MCTP1: variants seen among roughly 807,000 people sequenced by gnomAD.
MCTP1 encodes the protein multiple C2 and transmembrane domain-containing protein 1.
In MCTP1, 69 loss-of-function variants were observed where a neutral mutation model predicts 120.6. The ratio of observed to expected loss-of-function variants is 0.57; its 90% CI spans 0.47 to 0.70. MCTP1 has a LOEUF of 0.70. Among genes scored for constraint, MCTP1 ranks in the 30% least tolerant of loss-of-function variants. The pLI is 0.00. For synonymous variants in MCTP1, 529 were observed against 493.1 expected, an observed-to-expected ratio of 1.07 and a Z score of -0.96; for missense variants, 1,203 against 1,248.8, an observed-to-expected ratio of 0.96 and a Z score of 0.55.
chr5:95,248,629 A>G (rs1193906482), intron 1 of MCTP1, among the ~76,000 whole-genome samples: 2 of 152,226 alleles, frequency 1.3e-5, no homozygotes. Flanking sequence ...TATCCCCAAC[A>G]AGCTACCTCT....
At chr5:94,771,277 T>C (rs1008443574) in intron 19 of MCTP1, among the ~76,000 whole-genome samples, 3 of 152,160 alleles carry the variant, frequency 2.0e-5, no homozygotes, top group African/African-American at 7.2e-5. Flanking sequence ...TTGTGTATTA[T>C]GTGTGTGTGC....
intron 19 of MCTP1, among the ~76,000 whole-genome samples, chr5:94,760,326 T>C (rs563308732): frequency 6.6e-6 from 1 of 152,340 alleles, no homozygotes; most frequent in African/African-American, 2.4e-5. Flanking sequence ...GTTTGACTAC[T>C]CCAGGCACTG....
chr5:95,219,232 A>G (rs1164243989), intron 1 of MCTP1, among the ~76,000 whole-genome samples: 1 of 151,978 alleles, frequency 6.6e-6, no homozygotes, highest in Non-Finnish European at 1.5e-5. Flanking sequence ...AATACAAAAA[A>G]TTAGCCGGGC....
At position 94,917,896 on chromosome 5, in the gene MCTP1, T is replaced by A. The variant is rs1472726888; in HGVS notation, c.1350A>T (p.Gln450His). Residue 450 changes from glutamine to histidine, a missense_variant and splice_region_variant, in exon 8 of 23, where the codon CAA becomes CAT. Physicochemically the swap from Gln to His is conservative, Grantham distance 24. This residue lies in a region of MCTP1 where 740 missense variants were observed against 871.1 expected (regional missense o/e 0.85). Transcript: ENST00000515393. ...ELQNPYCKNV[Q>H]FQTQSLRLSD... ...AAATGAACTGAATGGTTGAACTTAC[T>A]TGTACATTTTTGCAATAAGGATTCT... The A allele has an allele frequency of 1.2e-6, 2 of 1,612,506 alleles. No individual in the cohort carries two copies. Among genetic ancestry groups the A allele is most frequent in the Admixed American group, 1.7e-5 (1 of 60,008 alleles).
At chr5:94,954,182 GCATA>G (rs1246015850) in intron 2 of MCTP1, among the ~76,000 whole-genome samples, 1 of 56,614 alleles carries the variant, frequency 1.8e-5, no homozygotes, top group Non-Finnish European at 3.4e-5. Context: ...ATATATATAT[GCATA>G]TATATATATA....
intron 1 of MCTP1, among the ~76,000 whole-genome samples, chr5:95,075,332 A>T (rs1346635324): frequency 2.0e-5 from 3 of 152,228 alleles, no homozygotes; most frequent in African/African-American, 7.2e-5. Context: ...GCCTATAAAT[A>T]TAAGTTAACT....
intron 19 of MCTP1, among the ~76,000 whole-genome samples, chr5:94,739,777 G>A (rs990869000): frequency 3.9e-5 from 6 of 152,160 alleles, no homozygotes; most frequent in Non-Finnish European, 7.4e-5. Context: ...CAATTTTCCT[G>A]CCTCACCACT....
intron 1 of MCTP1, among the ~76,000 whole-genome samples, chr5:95,194,983 T>A (rs1161210251): frequency 6.6e-6 from 1 of 152,124 alleles, no homozygotes; most frequent in Non-Finnish European, 1.5e-5. Context: ...TCAGAGAAGG[T>A]TCCAAATACA....
At position 94,888,864 on chromosome 5, in the gene MCTP1, T is replaced by TG. The variant is rs1282203839; in HGVS notation, c.1933+14dup. 2.6e-6 allele frequency: 4 copies of TG among 1,556,108 alleles called. No individual in the cohort carries two copies. The Admixed American group carries it at 6.7e-5, about 26-fold the overall frequency. ...TGCTTGATCTGAGCAATAGGAGAATTGCATCATCTCTTACCAGTGACGTCG... is the reference window on the plus strand; with the variant it reads ...TGCTTGATCTGAGCAATAGGAGAATTGGCATCATCTCTTACCAGTGACGTCG... On this transcript the variant is annotated intron_variant, in intron 12 of 22. Transcript: ENST00000515393.
chr5:95,030,872 ACTCAGTGATATC>A (rs571311142), intron 1 of MCTP1, among the ~76,000 whole-genome samples: 1 of 152,252 alleles, frequency 6.6e-6, no homozygotes, highest in East Asian at 1.9e-4. Flanking sequence ...TTGCAAGGAA[ACTCAGTGATATC>A]CAATAGAAAG....
intron 1 of MCTP1, among the ~76,000 whole-genome samples, chr5:95,248,371 C>A (rs1042284998): frequency 6.6e-6 from 1 of 152,124 alleles, no homozygotes; most frequent in Non-Finnish European, 1.5e-5. Flanking sequence ...CATTCCTATA[C>A]ACCAATAATA....
chr5:94,736,678 C>T (rs1764332449), intron 19 of MCTP1, among the ~76,000 whole-genome samples: 2 of 152,090 alleles, frequency 1.3e-5, no homozygotes, highest in African/African-American at 4.8e-5. Context: ...CCCTTGCATG[C>T]ATATTTTAAA....
chr5:94,971,531 C>T (rs1006169121), intron 2 of MCTP1, among the ~76,000 whole-genome samples: 2 of 152,170 alleles, frequency 1.3e-5, no homozygotes, highest in African/African-American at 4.8e-5. Flanking sequence ...AATAATCAGA[C>T]AGACATTTCC....
chr5:94,837,689 C>G (rs1357297590), intron 17 of MCTP1, among the ~76,000 whole-genome samples: 1 of 152,104 alleles, frequency 6.6e-6, no homozygotes, highest in Admixed American at 6.6e-5. Context: ...TCTTTCATGT[C>G]AGAGGGATGA....
intron 1 of MCTP1, among the ~76,000 whole-genome samples, chr5:95,160,943 C>T (rs1745659610): frequency 6.6e-6 from 1 of 152,090 alleles, no homozygotes; most frequent in Non-Finnish European, 1.5e-5. Flanking sequence ...AAAAGGATAG[C>T]AAGTGTTAGT....
intron 17 of MCTP1, among the ~76,000 whole-genome samples, chr5:94,829,924 T>G (rs2153153234): frequency 6.6e-6 from 1 of 152,300 alleles, no homozygotes; most frequent in East Asian, 1.9e-4. Context: ...ATCCACTGCT[T>G]TGCATGAATC....
chr5:94,718,940 C>T (rs1028897840), intron 19 of MCTP1, among the ~76,000 whole-genome samples: 4 of 152,128 alleles, frequency 2.6e-5, no homozygotes, highest in Admixed American at 6.5e-5. Flanking sequence ...AGGCTGGTCT[C>T]GAACTCCTGA....
At chr5:95,014,553 T>A (rs1050798433) in intron 2 of MCTP1, among the ~76,000 whole-genome samples, 4 of 152,140 alleles carry the variant, frequency 2.6e-5, no homozygotes, top group Admixed American at 2.6e-4. Context: ...TGAGAACGAA[T>A]CTTCTCATGG....
chr5:95,153,067 T>A (rs547310150), intron 1 of MCTP1, among the ~76,000 whole-genome samples: 18 of 152,350 alleles, frequency 1.2e-4, no homozygotes, highest in African/African-American at 4.3e-4. Context: ...ATTATTGATA[T>A]GCTTTGGCTT....
Sources: allele counts gnomAD v4.1 joint callset (sites outside exome capture counted in the v4.1 genomes callset), GRCh38; gene constraint gnomAD v4.1.1; regional missense constraint gnomAD v4.1.1; transcripts MANE v1.5; gene names NCBI Gene and HGNC (gene_info 2026-07-23, HGNC 2026-07-21).